PCDHGA1: variants seen among roughly 807,000 people sequenced by gnomAD.
PCDHGA1 encodes protocadherin gamma-A1.
Under a neutral mutation model 58.0 loss-of-function variants are expected in PCDHGA1, and 32 were observed. The ratio of observed to expected loss-of-function variants is 0.55; its 90% CI spans 0.42 to 0.74. PCDHGA1 has a LOEUF of 0.74. PCDHGA1 is among the 30% of genes least tolerant of loss of function. PCDHGA1 has a pLI of 0.00. For missense variants in PCDHGA1, 1,205 were observed against 1,182.3 expected, an observed-to-expected ratio of 1.02 and a Z score of -0.28; for synonymous variants, 498 against 501.1, an observed-to-expected ratio of 0.99 and a Z score of 0.08.
At chr5:141,385,079 C>A in intron 1 of PCDHGA1, 1 of 1,614,226 alleles carries the variant, frequency 6.2e-7, no homozygotes, top group Non-Finnish European at 8.5e-7. Context: ...CTGCTGCAGG[C>A]TTCAGAAGGT....
chr5:141,482,736 C>T (rs897817817), intron 1 of PCDHGA1, among the ~76,000 whole-genome samples: 6 of 152,056 alleles, frequency 3.9e-5, no homozygotes, highest in African/African-American at 1.2e-4. Context: ...GCAAGAAATT[C>T]CATGCAGAGG....
At chr5:141,439,622 TCC>T (rs1374759651) in intron 1 of PCDHGA1, among the ~76,000 whole-genome samples, 1 of 152,134 alleles carries the variant, frequency 6.6e-6, no homozygotes, top group Non-Finnish European at 1.5e-5. Context: ...AATGAGCCAA[TCC>T]CCAGACATTC....
chr5:141,344,603 G>A (rs1305367549), intron 1 of PCDHGA1: 1 of 1,613,990 alleles, frequency 6.2e-7, no homozygotes, highest in Non-Finnish European at 8.5e-7. Context: ...AGGGGGCCAA[G>A]TATCCAGAGC....
rs756549446 is a variant in PCDHGA1 at position 141,477,301 on chromosome 5, C to G, written c.2422-17506C>G. 32 of 1,614,042 alleles carry G rather than the reference C, an allele frequency of 2.0e-5. 2 individuals carry two copies. In the South Asian group the frequency reaches 3.4e-4, roughly 17 times the overall value. On this transcript the variant is annotated intron_variant, in intron 1 of 3. Coordinates refer to ENST00000517417, the MANE Select transcript of PCDHGA1 (RefSeq NM_018912.3). The surrounding 1 kb of genome is among the most constrained non-coding windows in gnomAD (Gnocchi z 4.9). The stretch of plus-strand genomic sequence containing the variant: ...TGACCTGCGAAGTTCCACCGGGTCT[C>G]CCTTTCAGCCTTACTTCTTCCCTCA...
intron 1 of PCDHGA1, chr5:141,412,235 A>T (rs2095544372): frequency 6.6e-6 from 1 of 152,260 alleles, no homozygotes. Flanking sequence ...AAAAACCTAT[A>T]TCACTACATC....
intron 1 of PCDHGA1, among the ~76,000 whole-genome samples, chr5:141,338,086 A>G (rs2149719616): frequency 6.6e-6 from 1 of 152,294 alleles, no homozygotes; most frequent in East Asian, 1.9e-4. Flanking sequence ...TTCTGACCCC[A>G]AATCTAGACT....
At chr5:141,369,412 A>G (rs1250548281) in intron 1 of PCDHGA1, among the ~76,000 whole-genome samples, 1 of 152,168 alleles carries the variant, frequency 6.6e-6, no homozygotes, top group Non-Finnish European at 1.5e-5. Context: ...CATGACTATA[A>G]TCCCAGCAAT....
intron 1 of PCDHGA1, chr5:141,344,168 G>C (rs1757378141): frequency 6.2e-7 from 1 of 1,613,902 alleles, no homozygotes; most frequent in African/African-American, 1.3e-5. Context: ...GTTCCTTCGT[G>C]GGCAACATCG....
intron 1 of PCDHGA1, among the ~76,000 whole-genome samples, chr5:141,455,160 G>GTT (rs59530096): frequency 1.3e-4 from 20 of 149,232 alleles, no homozygotes; most frequent in South Asian, 1.1e-3. Flanking sequence ...TAGTTTGTTG[G>GTT]TTTTTTTTTT....
In PCDHGA1 at chr5:141,400,300, C is replaced by A. The variant is rs1267834290; in HGVS notation, c.2421+67195C>A. The stretch of plus-strand genomic sequence containing the variant: ...CCCTGCCGCCTGGAGCTGCTTCCAA[C>A]CTGGTCTCTGTGTCAAGTCTGGACC... On this transcript the variant is annotated intron_variant, in intron 1 of 3. Transcript: ENST00000517417. 6.8e-6 allele frequency: 11 copies of A among 1,613,966 alleles called. No individual in the cohort carries two copies. The African/African-American group carries it at 1.3e-4, about 20-fold the overall frequency.
At position 141,490,162 on chromosome 5, in the gene PCDHGA1, A is replaced by G. The variant is rs1371128858; in HGVS notation, c.2422-4645A>G. The G allele has an allele frequency of 1.2e-6, 2 of 1,614,218 alleles. No individual in the cohort carries two copies. The highest frequency in any genetic ancestry group is 1.7e-6 in the Non-Finnish European group (2 of 1,180,028). ...TGGGGCAATCCATGTGTTGGGTCCCATAGACTTTGAGGAGTCACGTTTCTA... is the reference window on the plus strand; with the variant it reads ...TGGGGCAATCCATGTGTTGGGTCCCGTAGACTTTGAGGAGTCACGTTTCTA... On this transcript the variant is annotated intron_variant, in intron 1 of 3. Transcript: ENST00000517417. This position sits in a 1 kb window ranked among gnomAD's most constrained non-coding sequence, Gnocchi z 5.4.
intron 1 of PCDHGA1, chr5:141,364,629 CACT>C: frequency 6.2e-7 from 1 of 1,614,142 alleles, no homozygotes; most frequent in Non-Finnish European, 8.5e-7. Context: ...GCTCAGAGCC[CACT>C]GTGTGTGGTG....
chr5:141,487,435 A>G lies in PCDHGA1; in HGVS notation c.2422-7372A>G, dbSNP rs776328527. On this transcript the variant is annotated intron_variant, in intron 1 of 3. Transcript: ENST00000517417. The surrounding 1 kb of genome is among the most constrained non-coding windows in gnomAD (Gnocchi z 5.0). ...CCAATGGGATCCTCCGAATCCAGCT[A>G]GGGTCAGATGACCCTATCAAGTTTG... 3.7e-6 allele frequency: 6 copies of G among 1,614,164 alleles called. No individual in the cohort carries two copies. In the South Asian group the frequency reaches 6.6e-5, roughly 18 times the overall value.
At chr5:141,499,029 A>AAGGAAGGAAGGAAGGAAGGAAGG (rs1562187768) in intron 2 of PCDHGA1, among the ~76,000 whole-genome samples, 1 of 139,968 alleles carries the variant, frequency 7.1e-6, no homozygotes, top group African/African-American at 2.8e-5. Flanking sequence ...AGGAAGGAAG[A>AAGGAAGGAAGGAAGGAAGGAAGG]AAAGAAAGAA....
chr5:141,501,501 T>C (rs2099809553), intron 2 of PCDHGA1, among the ~76,000 whole-genome samples: 1 of 151,938 alleles, frequency 6.6e-6, no homozygotes, highest in Non-Finnish European at 1.5e-5. Context: ...CTGCTGGGGC[T>C]CCAAGGCCTC....
chr5:141,408,043 A>G, intron 1 of PCDHGA1: 1 of 1,220,238 alleles, frequency 8.2e-7, no homozygotes, highest in Non-Finnish European at 1.1e-6. Context: ...ACCAGCTCCC[A>G]CACAGAGCCT....
At chr5:141,390,307 A>G (rs2092112369) in intron 1 of PCDHGA1, 1 of 1,613,424 alleles carries the variant, frequency 6.2e-7, no homozygotes, top group Admixed American at 1.7e-5. Flanking sequence ...GTATAATTTA[A>G]TGCTCATTGC....
At chr5:141,341,127 G>A (rs1196446097) in intron 1 of PCDHGA1, 3 of 1,614,218 alleles carry the variant, frequency 1.9e-6, no homozygotes, top group Non-Finnish European at 1.7e-6. Flanking sequence ...CTGCGGCGCT[G>A]GCACAAGTCA....
chr5:141,354,529 C>T (rs578033792), intron 1 of PCDHGA1, among the ~76,000 whole-genome samples: 24 of 152,282 alleles, frequency 1.6e-4, no homozygotes, highest in African/African-American at 5.3e-4. Context: ...AAGCATTGCC[C>T]CAGGTTCTAG....
Sources: allele counts gnomAD v4.1 joint callset (sites outside exome capture counted in the v4.1 genomes callset), GRCh38; gene constraint gnomAD v4.1.1; non-coding constraint Gnocchi (gnomAD v3.1); transcripts MANE v1.5; gene names NCBI Gene and HGNC (gene_info 2026-07-23, HGNC 2026-07-21).